Variants in SCARB1 observed in about 807,000 individuals in gnomAD.
SCARB1 encodes the protein scavenger receptor class B member 1, also known as CD36 and LIMPII analogous 1.
SCARB1 carries 30 observed loss-of-function variants against 57.2 expected under a neutral mutation model. That is an observed-to-expected ratio of 0.52 (90% CI 0.39 to 0.71). The LOEUF (loss-of-function observed/expected upper bound fraction) is 0.71, where lower values mean the gene tolerates loss of function less well. Among genes scored for constraint, SCARB1 ranks in the 30% least tolerant of loss-of-function variants. The pLI, the probability that SCARB1 is intolerant of heterozygous loss-of-function variation, is 0.00. For missense variants in SCARB1, 543 were observed against 671.2 expected, an observed-to-expected ratio of 0.81 and a Z score of 2.11; for synonymous variants, 249 against 268.3, an observed-to-expected ratio of 0.93 and a Z score of 0.70.
At chr12:124,779,097 G>A (rs892318243) in intron 12 of SCARB1, among the ~76,000 whole-genome samples, 9 of 152,090 alleles carry the variant, frequency 5.9e-5, no homozygotes, top group Middle Eastern at 3.4e-3. Context: ...ACAATGACAC[G>A]TGCCACCACC....
intron 9 of SCARB1, among the ~76,000 whole-genome samples, chr12:124,788,498 C>G (rs1053831620): frequency 1.3e-5 from 2 of 152,136 alleles, no homozygotes; most frequent in African/African-American, 4.8e-5. Context: ...TTTCCCTCCT[C>G]CCTTTCAGAT....
chr12:124,857,750 C>T (rs369439304), intron 1 of SCARB1, among the ~76,000 whole-genome samples: 2 of 152,178 alleles, frequency 1.3e-5, no homozygotes, highest in South Asian at 2.1e-4. Context: ...TTTATTGAGA[C>T]AGGGATCATA....
chr12:124,858,610 T>C (rs537280299), intron 1 of SCARB1, among the ~76,000 whole-genome samples: 43 of 152,116 alleles, frequency 2.8e-4, no homozygotes, highest in African/African-American at 1.0e-3. Context: ...CCGGGCGCGG[T>C]GGCTCACACC....
At chr12:124,833,739 G>C (rs1190936583) in intron 1 of SCARB1, among the ~76,000 whole-genome samples, 1 of 152,192 alleles carries the variant, frequency 6.6e-6, no homozygotes, top group Non-Finnish European at 1.5e-5. Context: ...CAGAAGGCAG[G>C]CTTCGCTAGA....
At chr12:124,786,875 C>G (rs903539250) in intron 10 of SCARB1, among the ~76,000 whole-genome samples, 2 of 152,254 alleles carry the variant, frequency 1.3e-5, no homozygotes, top group Non-Finnish European at 2.9e-5. Flanking sequence ...TCCCCATCAA[C>G]CCACTTCAGA....
At chr12:124,853,093 TCTTCAAAAGGTTACATTTAAG>T (rs1441998146) in intron 1 of SCARB1, among the ~76,000 whole-genome samples, 4 of 152,080 alleles carry the variant, frequency 2.6e-5, no homozygotes, top group African/African-American at 9.7e-5. Context: ...CGGGGTGTCT[TCTTCAAAAGGTTACATTTAAG>T]CTTCAAAAGG....
At chr12:124,811,683 T>G (rs918657393) in intron 5 of SCARB1, among the ~76,000 whole-genome samples, 187 bp downstream of exon 5, 2 of 152,000 alleles carry the variant, frequency 1.3e-5, no homozygotes, top group Non-Finnish European at 2.9e-5. Flanking sequence ...CACCTGCCCC[T>G]CTGGGTGGTC....
At chr12:124,838,720 C>T (rs1296781930) in intron 1 of SCARB1, among the ~76,000 whole-genome samples, 1 of 151,954 alleles carries the variant, frequency 6.6e-6, no homozygotes, top group Non-Finnish European at 1.5e-5. Flanking sequence ...TCAGGTTAAA[C>T]CCTGCCACAG....
intron 1 of SCARB1, among the ~76,000 whole-genome samples, chr12:124,849,844 C>T (rs1170364830): frequency 6.6e-6 from 1 of 151,264 alleles, no homozygotes; most frequent in Admixed American, 6.6e-5. Context: ...GGGAGGATTG[C>T]TTGAGGCCAG....
In SCARB1 at chr12:124,837,468, A is replaced by AAGG. The variant is rs1566230970; in HGVS notation, c.127-19762_127-19761insCCT. ...AAAAGAAAGAAAGAAGGAAAGAAAGAAAGAAAGGAAGGAAGGAAGGAAGGA... is the reference window on the plus strand; with the variant it reads ...AAAAGAAAGAAAGAAGGAAAGAAAGAAGGAAGAAAGGAAGGAAGGAAGGAAGGA... On this transcript the variant is annotated intron_variant, in intron 1 of 12. Coordinates refer to ENST00000261693, the MANE Select transcript of SCARB1 (RefSeq NM_005505.5). Among the ~76,000 whole-genome samples, 23 of 121,592 alleles carry AAGG rather than the reference A, an allele frequency of 1.9e-4. 1 individual carries two copies. Among genetic ancestry groups the AAGG allele is most frequent in the African/African-American group, 7.4e-4 (20 of 26,990 alleles). The allele number at this position is 121,592 out of a possible 152,430, so 79.8% of individuals were successfully genotyped here. A position where few individuals can be genotyped will look rare whatever the true frequency, so the allele number is the denominator to read the frequency against.
Position 124,837,594 on chromosome 12 carries a change from A to AAAAGAAAAG in SCARB1, c.127-19888_127-19887insCTTTTCTTT, listed in dbSNP as rs140213588. On this transcript the variant is annotated intron_variant, in intron 1 of 12. Transcript: ENST00000261693. ...AAAAGAAAAGAAAAGAAAAGAAAAG[A>AAAAGAAAAG]AAAGTCAGCCAGCTGGGTGCAGTGC... Among the ~76,000 whole-genome samples, 278 of 39,028 alleles carry AAAAGAAAAG rather than the reference A, an allele frequency of 7.1e-3. 20 individuals carry two copies. Among genetic ancestry groups the AAAAGAAAAG allele is most frequent in the East Asian group, 0.052 (54 of 1,034 alleles). The allele number at this position is 39,028 out of a possible 152,430, so 25.6% of individuals were successfully genotyped here. A position where few individuals can be genotyped will look rare whatever the true frequency, so the allele number is the denominator to read the frequency against.
At position 124,778,340 on chromosome 12, in the gene SCARB1, G is replaced by T; in HGVS notation, c.*247C>A. The T allele has an allele frequency of 1.0e-6, 1 of 967,504 alleles. No individual in the cohort carries two copies. 59.9% of individuals were successfully genotyped at this position (967,504 alleles called of 1,614,324 possible). ...GTTCCAGAACAGTGCTTGTTGACGA[G>T]CCTCTCCCTACAAGTCCCTTCAGCA... On this transcript the variant is annotated 3_prime_UTR_variant, in exon 13 of 13. Coordinates refer to ENST00000261693, the MANE Select transcript of SCARB1 (RefSeq NM_005505.5).
In SCARB1 at chr12:124,810,125, G is replaced by C. The variant is rs1391109228; in HGVS notation, c.842+49C>G. On this transcript the variant is annotated intron_variant, in intron 6 of 12. Transcript: ENST00000261693. This position sits in a 1 kb window ranked among gnomAD's most constrained non-coding sequence, Gnocchi z 4.0. ...TGCACAGCCAACACCACAGAATTTG[G>C]CCATGAGCTACCCAGGAAACCCAGG... 1 of 1,242,542 alleles carries C rather than the reference G, an allele frequency of 8.0e-7. No homozygotes were observed. Among genetic ancestry groups the C allele is most frequent in the East Asian group, 2.3e-5 (1 of 43,054 alleles). 77.0% of individuals were successfully genotyped at this position (1,242,542 alleles called of 1,614,324 possible).
At chr12:124,820,673 G>T (rs1950918392) in intron 1 of SCARB1, among the ~76,000 whole-genome samples, 1 of 152,190 alleles carries the variant, frequency 6.6e-6, no homozygotes, top group African/African-American at 2.4e-5. Flanking sequence ...CAGCCTGGGG[G>T]ACACATCCAG....
At chr12:124,856,011 T>C (rs766313653) in intron 1 of SCARB1, among the ~76,000 whole-genome samples, 3 of 152,212 alleles carry the variant, frequency 2.0e-5, no homozygotes, top group Non-Finnish European at 2.9e-5. Flanking sequence ...TCCAGGTGGC[T>C]GAGCTTCGCC....
At chr12:124,859,855 GTTT>G (rs374140221) in intron 1 of SCARB1, among the ~76,000 whole-genome samples, 15 of 151,524 alleles carry the variant, frequency 9.9e-5, no homozygotes, top group African/African-American at 3.6e-4. Flanking sequence ...TGTTTGGTGG[GTTT>G]TTTTTAAACA....
chr12:124,851,931 C>T (rs564690442), intron 1 of SCARB1, among the ~76,000 whole-genome samples: 17 of 152,194 alleles, frequency 1.1e-4, no homozygotes, highest in South Asian at 1.0e-3. Flanking sequence ...GTAATAATGG[C>T]GCCCGGCCTA....
In SCARB1 at chr12:124,833,482, C is replaced by G. The variant is rs117583790; in HGVS notation, c.127-15775G>C. 7.6e-3 allele frequency among the ~76,000 whole-genome samples: 1,163 copies of G among 152,270 alleles called. 8 individuals are homozygous for G. The highest frequency in any genetic ancestry group is 0.015 in the Non-Finnish European group (990 of 68,010). On this transcript the variant is annotated intron_variant, in intron 1 of 12. Coordinates refer to ENST00000261693, the MANE Select transcript of SCARB1 (RefSeq NM_005505.5). ...GGATTACAGGTGTGAGCCATCATGC[C>G]TGGTGTAAGATCCTTAACTTAATCA... is the stretch of plus-strand genomic sequence containing the variant.
rs139075644 is a variant in SCARB1, at chr12:124,860,709, G to A, written c.126+2886C>T. On this transcript the variant is annotated intron_variant, in intron 1 of 12. Coordinates refer to ENST00000261693, the MANE Select transcript of SCARB1 (RefSeq NM_005505.5). ...CTATGGAAATGTTCATGAACCACAC[G>A]AAGAGGGATGTGTCGGGATATCGCT... 9.1e-4 allele frequency among the ~76,000 whole-genome samples: 138 copies of A among 152,336 alleles called. 2 individuals are homozygous for A. Among genetic ancestry groups the A allele is most frequent in the African/African-American group, 3.1e-3 (130 of 41,572 alleles).
Sources: gnomAD v4.1 joint callset for allele counts (sites outside exome capture counted in the v4.1 genomes callset) on GRCh38, gnomAD v4.1.1 for gene constraint, Gnocchi (gnomAD v3.1) non-coding constraint, MANE v1.5 for transcripts, NCBI Gene and HGNC (gene_info 2026-07-23, HGNC 2026-07-21) for gene names.